Variants in ATRNL1 observed in about 807,000 individuals in gnomAD.
The protein encoded by ATRNL1 is attractin-like protein 1.
A neutral mutation model predicts 182.7 loss-of-function variants in ATRNL1; 95 were observed. The ratio of observed to expected loss-of-function variants is 0.52; its 90% CI spans 0.44 to 0.62. ATRNL1 has a LOEUF of 0.62. Among genes scored for constraint, ATRNL1 ranks in the 20% least tolerant of loss-of-function variants. The pLI, the probability that ATRNL1 is intolerant of heterozygous loss-of-function variation, is 0.00. For synonymous variants in ATRNL1, 576 were observed against 568.3 expected (o/e 1.01, Z -0.19); for missense variants, 1,471 against 1,679.5 (o/e 0.88, Z 2.17).
At chr10:115,407,415 G>C (rs1844883777) in intron 20 of ATRNL1, among the ~76,000 whole-genome samples, 2 of 151,476 alleles carry the variant, frequency 1.3e-5, no homozygotes, top group South Asian at 4.2e-4. Context: ...AGTACCTTCT[G>C]TTCTACTTTT....
chr10:115,473,719 A>G (rs1239589185), intron 24 of ATRNL1, among the ~76,000 whole-genome samples: 1 of 151,302 alleles, frequency 6.6e-6, no homozygotes, highest in African/African-American at 2.4e-5. Context: ...TCTTTGTTGG[A>G]AAGCTTTTTA....
At chr10:115,842,202 G>T (rs1045160281) in intron 27 of ATRNL1, among the ~76,000 whole-genome samples, 5 of 151,982 alleles carry the variant, frequency 3.3e-5, no homozygotes, top group Non-Finnish European at 2.9e-5. Context: ...ACTGCTGACA[G>T]GTATAACATA....
rs184963498 is a variant in ATRNL1, at chr10:115,178,796, G to A, written c.1348+7504G>A. Among the ~76,000 whole-genome samples, 49 of 152,254 alleles carry A rather than the reference G, an allele frequency of 3.2e-4. No individual in the cohort carries two copies. The South Asian group carries it at 5.2e-3, about 16-fold the overall frequency. ...ACAAGGCACCATCTGGAAGCAGAGC[G>A]TAGCTCTCAGCAGACACCAAAGCTG... is the stretch of plus-strand genomic sequence containing the variant. On this transcript the variant is annotated intron_variant, in intron 8 of 28. Transcript: ENST00000355044.
chr10:115,273,622 G>A (rs1160254532), intron 13 of ATRNL1, among the ~76,000 whole-genome samples: 2 of 152,182 alleles, frequency 1.3e-5, no homozygotes, highest in African/African-American at 4.8e-5. Context: ...TGTACTTCAG[G>A]GAGGTCCCAG....
At chr10:115,451,208 T>G (rs369355597) in intron 21 of ATRNL1, among the ~76,000 whole-genome samples, 17 of 152,232 alleles carry the variant, frequency 1.1e-4, no homozygotes, top group East Asian at 7.7e-4. Context: ...ACAAAGGAAC[T>G]GGCAAAGATT....
At chr10:115,569,277 C>T (rs1396454589) in intron 26 of ATRNL1, among the ~76,000 whole-genome samples, 2 of 152,084 alleles carry the variant, frequency 1.3e-5, no homozygotes, top group African/African-American at 2.4e-5. Flanking sequence ...TATTTAGTCC[C>T]TATAAACAGA....
intron 21 of ATRNL1, among the ~76,000 whole-genome samples, chr10:115,448,949 G>C (rs1454225925): frequency 6.6e-6 from 1 of 152,076 alleles, no homozygotes; most frequent in Non-Finnish European, 1.5e-5. Context: ...AAGAAGAGCT[G>C]GTACTATTCC....
chr10:115,556,596 A>C (rs2133825208), intron 26 of ATRNL1, among the ~76,000 whole-genome samples: 1 of 152,286 alleles, frequency 6.6e-6, no homozygotes, highest in East Asian at 1.9e-4. Context: ...AATGTTTCTT[A>C]GAATCAATCA....
At chr10:115,812,097 C>T (rs1950059276) in intron 27 of ATRNL1, among the ~76,000 whole-genome samples, 1 of 152,036 alleles carries the variant, frequency 6.6e-6, no homozygotes, top group Non-Finnish European at 1.5e-5. Flanking sequence ...ACATCCATCA[C>T]TCCAGCTTTC....
chr10:115,393,267 A>T (rs1289371176), intron 19 of ATRNL1, among the ~76,000 whole-genome samples: 1 of 152,042 alleles, frequency 6.6e-6, no homozygotes, highest in African/African-American at 2.4e-5. Context: ...AAATGTTCAT[A>T]TTGGTCTTAT....
chr10:115,277,166 CAG>C (rs35576489), intron 13 of ATRNL1, among the ~76,000 whole-genome samples: 50,701 of 151,390 alleles, frequency 0.33, 9,240 homozygotes, highest in East Asian at 0.69. Context: ...AATTATGAAT[CAG>C]AACAAATAAC....
chr10:115,739,224 T>C (rs1380215978), intron 27 of ATRNL1, among the ~76,000 whole-genome samples: 2 of 152,148 alleles, frequency 1.3e-5, no homozygotes, highest in Non-Finnish European at 2.9e-5. Flanking sequence ...CTGGCTGCCA[T>C]TCAAGAGAAT....
chr10:115,107,374 GAACA>G (rs1468651640), intron 1 of ATRNL1, among the ~76,000 whole-genome samples: 2 of 152,226 alleles, frequency 1.3e-5, no homozygotes, highest in Non-Finnish European at 2.9e-5. Context: ...GAACCCAACA[GAACA>G]AACAATGTTA....
At chr10:115,818,776 T>C (rs1417620508) in intron 27 of ATRNL1, among the ~76,000 whole-genome samples, 1 of 152,132 alleles carries the variant, frequency 6.6e-6, no homozygotes, top group Non-Finnish European at 1.5e-5. Flanking sequence ...TGTAGCTTTT[T>C]GTACTGCCAG....
intron 19 of ATRNL1, among the ~76,000 whole-genome samples, chr10:115,389,546 A>ATATATATATATGTG (rs1478638383): frequency 1.8e-4 from 3 of 16,394 alleles, no homozygotes; most frequent in South Asian, 2.5e-3. Flanking sequence ...ATGTGTATAT[A>ATATATATATATGTG]TATATATATA....
chr10:115,413,707 A>G (rs575111530), intron 20 of ATRNL1, among the ~76,000 whole-genome samples: 1 of 152,214 alleles, frequency 6.6e-6, no homozygotes, highest in African/African-American at 2.4e-5. Flanking sequence ...ACTTTCTGGT[A>G]TAAGAAGATA....
chr10:115,222,333 C>G (rs1018496378), intron 9 of ATRNL1, among the ~76,000 whole-genome samples: 4 of 152,066 alleles, frequency 2.6e-5, no homozygotes, highest in East Asian at 1.9e-4. Flanking sequence ...TGGAAATTGT[C>G]TAACCCACAT....
intron 27 of ATRNL1, among the ~76,000 whole-genome samples, chr10:115,795,298 A>G (rs1466274563): frequency 6.6e-6 from 1 of 152,202 alleles, no homozygotes; most frequent in Non-Finnish European, 1.5e-5. Context: ...ATAAATGGCT[A>G]AAATTCTGAT....
intron 19 of ATRNL1, among the ~76,000 whole-genome samples, chr10:115,366,964 T>G (rs2134178192): frequency 7.1e-6 from 1 of 141,578 alleles, no homozygotes; most frequent in Non-Finnish European, 1.5e-5. Flanking sequence ...TTTTCCTTCA[T>G]TTCAACTTTG....
Sources: gnomAD v4.1 joint callset for allele counts (sites outside exome capture counted in the v4.1 genomes callset) on GRCh38, gnomAD v4.1.1 for gene constraint, MANE v1.5 for transcripts, NCBI Gene and HGNC (gene_info 2026-07-23, HGNC 2026-07-21) for gene names.